Variants in CFAP52 observed in about 807,000 individuals in gnomAD.
The protein encoded by CFAP52 is cilia and flagella associated protein 52.
Under a neutral mutation model 70.5 loss-of-function variants are expected in CFAP52, and 57 were observed. The observed-to-expected ratio is 0.81, with a 90% confidence interval of 0.65 to 1.01. The LOEUF is 1.01. CFAP52 is among the 50% of genes least tolerant of loss of function. The pLI is 0.00. For synonymous variants in CFAP52, 267 were observed against 292.5 expected (o/e 0.91, Z 0.89); for missense variants, 785 against 788.5 (o/e 1.00, Z 0.05).
intron 12 of CFAP52, chr17:9,639,052 C>T (rs918652365): frequency 2.1e-5 from 5 of 238,894 alleles, no homozygotes; most frequent in Admixed American, 5.0e-5. Flanking sequence ...TGTGCCCAAA[C>T]CGGTTATCAC....
chr17:9,585,723 C>G (rs1233754961), intron 1 of CFAP52, 50 bp from the exon 2 acceptor site: 1 of 1,582,432 alleles, frequency 6.3e-7, no homozygotes, highest in Non-Finnish European at 8.7e-7. Flanking sequence ...TAGAAAATTC[C>G]TGGCCACTTC....
chr17:9,629,853 G>T (rs1486033821), intron 9 of CFAP52, among the ~76,000 whole-genome samples: 7 of 152,126 alleles, frequency 4.6e-5, no homozygotes, highest in Admixed American at 4.6e-4. Flanking sequence ...GCCTCCCAAA[G>T]TGATGGGATT....
intron 11 of CFAP52, among the ~76,000 whole-genome samples, chr17:9,637,932 G>A (rs1910881735): frequency 6.6e-6 from 1 of 152,138 alleles, no homozygotes; most frequent in Admixed American, 6.5e-5. Flanking sequence ...AGTTGCGGGA[G>A]GCCAGCTCCC....
intron 3 of CFAP52, among the ~76,000 whole-genome samples, chr17:9,592,656 A>G (rs911178647): frequency 6.6e-6 from 1 of 152,114 alleles, no homozygotes; most frequent in Admixed American, 6.6e-5. Context: ...ACTTAGCGTA[A>G]TGTTTTCAAA....
chr17:9,608,530 T>A (rs185488895), intron 7 of CFAP52, among the ~76,000 whole-genome samples: 1 of 152,304 alleles, frequency 6.6e-6, no homozygotes, highest in African/African-American at 2.4e-5. Flanking sequence ...TATAAACTTA[T>A]CCAAGAAATA....
In CFAP52 at chr17:9,628,375, G is replaced by T. The variant is rs138276250; in HGVS notation, c.1026-297G>T. Reference sequence around the variant, plus strand: ...GCTCATTGCAACCTTTGCCTTCCAGGTTCAAGCGATTCTCCTGCCTCAGCC... The same window carrying T: ...GCTCATTGCAACCTTTGCCTTCCAGTTTCAAGCGATTCTCCTGCCTCAGCC... On this transcript the variant is annotated intron_variant, in intron 8 of 13. Transcript: ENST00000352665. Among the ~76,000 whole-genome samples, 578 of 151,756 alleles carry T rather than the reference G, an allele frequency of 3.8e-3. 3 individuals carry two copies. The highest frequency in any genetic ancestry group is 0.013 in the African/African-American group (542 of 41,346).
intron 8 of CFAP52, among the ~76,000 whole-genome samples, chr17:9,627,546 C>G (rs1007435434): frequency 7.2e-5 from 11 of 152,022 alleles, no homozygotes; most frequent in African/African-American, 2.7e-4. Flanking sequence ...ATATTGTCTA[C>G]TTCACAGGAA....
At chr17:9,633,181 A>G (rs2151950581) in intron 10 of CFAP52, 148 bp downstream of exon 10, 2 of 984,682 alleles carry the variant, frequency 2.0e-6, no homozygotes, top group Non-Finnish European at 2.9e-6. Context: ...AAAATATGTC[A>G]TAAATAAAAG....
At chr17:9,584,466 T>A (rs535311443) in intron 1 of CFAP52, 48 of 916,986 alleles carry the variant, frequency 5.2e-5, no homozygotes, top group Non-Finnish European at 6.6e-5. Context: ...CAATTTAAAG[T>A]GTATAACACA....
At chr17:9,588,618 C>G (rs1908606398) in intron 3 of CFAP52, among the ~76,000 whole-genome samples, 1 of 152,168 alleles carries the variant, frequency 6.6e-6, no homozygotes, top group Non-Finnish European at 1.5e-5. Flanking sequence ...TGGGATCTGA[C>G]AGCATCCATA....
At position 9,598,278 on chromosome 17, in the gene CFAP52, T is replaced by C; in HGVS notation, c.581T>C (p.Ile194Thr). The change falls in exon 5 of 14, where the codon ATC becomes ACC. Residue 194 changes from isoleucine to threonine, a missense_variant. Physicochemically the swap from Ile to Thr is moderately conservative, Grantham distance 89. Coordinates refer to ENST00000352665, the MANE Select transcript of CFAP52 (RefSeq NM_145054.5). The part of the protein sequence containing the change: ...VWELDLPNRK[I>T]WPTECQTGQL... ...GAATTGGATCTTCCAAATAGAAAAATCTGGCCAACTGAGTGCCAAACAGGA... is the reference window on the plus strand; with the variant it reads ...GAATTGGATCTTCCAAATAGAAAAACCTGGCCAACTGAGTGCCAAACAGGA... 6.2e-7 allele frequency: 1 copy of C among 1,612,744 alleles called. No homozygotes were observed.
chr17:9,580,890 T>G (rs866513779), intron 1 of CFAP52, among the ~76,000 whole-genome samples: 36 of 152,232 alleles, frequency 2.4e-4, no homozygotes, highest in African/African-American at 8.7e-4. Flanking sequence ...AGATAATCTT[T>G]GAGCTTTTAA....
Position 9,600,068 on chromosome 17 carries a change from T to G in CFAP52, c.638T>G (p.Val213Gly). 1.9e-6 allele frequency: 3 copies of G among 1,612,510 alleles called. No homozygotes were observed. The highest frequency in any genetic ancestry group is 2.5e-6 in the Non-Finnish European group (3 of 1,179,134). ...GATTTCTTTTTCTTGCTTCTTCAGG[T>G]GGATGATGATGATAGCTTTTTCTAC... Reference protein sequence around the residue: ...QLKRIVMSIGVDDDDSFFYLG... With the variant: ...QLKRIVMSIGGDDDDSFFYLG... Residue 213 changes from valine to glycine, a missense_variant and splice_region_variant, in exon 6 of 14, where the codon GTG becomes GGG. By Grantham distance (109) the Val-to-Gly change is moderately radical (BLOSUM62 -3). Coordinates refer to ENST00000352665, the MANE Select transcript of CFAP52 (RefSeq NM_145054.5).
At chr17:9,628,847 T>C (rs775516550) in intron 9 of CFAP52, 27 bp downstream of exon 9, 1 of 1,613,410 alleles carries the variant, frequency 6.2e-7, no homozygotes, top group Admixed American at 1.7e-5. Flanking sequence ...AAGATCTGGC[T>C]TGGGGCTCTA....
At chr17:9,629,045 C>T (rs920421832) in intron 9 of CFAP52, among the ~76,000 whole-genome samples, 2 of 152,124 alleles carry the variant, frequency 1.3e-5, no homozygotes, top group East Asian at 3.9e-4. Context: ...CACATTGCTG[C>T]ATATAGCGTG....
At chr17:9,636,686 G>A (rs952231854) in intron 11 of CFAP52, among the ~76,000 whole-genome samples, 2 of 152,086 alleles carry the variant, frequency 1.3e-5, no homozygotes, top group African/African-American at 2.4e-5. Context: ...AAGGAGGCAC[G>A]CACGACAAAG....
At chr17:9,633,191 G>A (rs1190364291) in intron 10 of CFAP52, among the ~76,000 whole-genome samples, 158 bp downstream of exon 10, 3 of 152,100 alleles carry the variant, frequency 2.0e-5, no homozygotes, top group Non-Finnish European at 4.4e-5. Context: ...ATAAATAAAA[G>A]TTCTAATATT....
intron 1 of CFAP52, among the ~76,000 whole-genome samples, chr17:9,576,987 A>G (rs1376163824): frequency 1.3e-5 from 2 of 152,108 alleles, no homozygotes. Context: ...GATGGTTTTT[A>G]CCAGCTCGGA....
At chr17:9,584,451 T>A in intron 1 of CFAP52, 2 of 1,090,278 alleles carry the variant, frequency 1.8e-6, no homozygotes, top group Non-Finnish European at 2.4e-6. Context: ...ATATTAAGGT[T>A]GTATCAATTT....
Sources: gnomAD v4.1 joint callset for allele counts (sites outside exome capture counted in the v4.1 genomes callset) on GRCh38, gnomAD v4.1.1 for gene constraint, MANE v1.5 for transcripts, NCBI Gene and HGNC (gene_info 2026-07-23, HGNC 2026-07-21) for gene names.